STOM: variants seen among roughly 807,000 people sequenced by gnomAD.
STOM encodes the protein erythrocyte band 7 integral membrane protein.
In STOM, 25 loss-of-function variants were observed where a neutral mutation model predicts 30.6. The observed-to-expected ratio is 0.82, with a 90% CI of 0.60 to 1.14. The LOEUF (loss-of-function observed/expected upper bound fraction) is 1.14, where lower values mean the gene tolerates loss of function less well. Ranked by LOEUF, STOM falls within the 50% of genes most tolerant of loss-of-function variation. The pLI is 0.00. For missense variants in STOM, 292 were observed against 365.2 expected (o/e 0.80, Z 1.63); for synonymous variants, 118 against 130.8 (o/e 0.90, Z 0.67).
At chr9:121,362,920 G>A (rs921680776) in intron 1 of STOM, among the ~76,000 whole-genome samples, 2 of 152,180 alleles carry the variant, frequency 1.3e-5, no homozygotes, top group Admixed American at 1.3e-4. Context: ...TTAGTCCAGA[G>A]GGCTGTAGTT....
intron 1 of STOM, among the ~76,000 whole-genome samples, chr9:121,360,340 AT>A (rs1228991331): frequency 1.3e-5 from 2 of 151,698 alleles, no homozygotes; most frequent in African/African-American, 2.4e-5. Flanking sequence ...ATCTTTTATT[AT>A]TTTTTAATCT....
chr9:121,341,438 T>C, intron 6 of STOM, 30 bp from the exon 7 acceptor site: 1 of 1,611,794 alleles, frequency 6.2e-7, no homozygotes, highest in Non-Finnish European at 8.5e-7. Flanking sequence ...GGGGTTGAAC[T>C]GGAGAAAACC....
chr9:121,359,731 A>T (rs1489371893), intron 1 of STOM, among the ~76,000 whole-genome samples: 1 of 152,168 alleles, frequency 6.6e-6, no homozygotes, highest in Non-Finnish European at 1.5e-5. Flanking sequence ...CTGGGACTCA[A>T]ATATGGGTCA....
rs1232088800 is a variant in STOM, at chr9:121,349,023, C to A, written c.525+97G>T. 2.9e-6 allele frequency: 4 copies of A among 1,387,786 alleles called. No individual in the cohort carries two copies. The African/African-American group carries it at 5.8e-5, about 20-fold the overall frequency. 86.0% of individuals were successfully genotyped at this position (1,387,786 alleles called of 1,614,324 possible). ...GAAGAAAAAAAAACGGTCACAGACC[C>A]CCACAACTTGAATTAATAAAAGGTT... On this transcript the variant is annotated intron_variant, in intron 5 of 6. Coordinates refer to ENST00000286713, the MANE Select transcript of STOM (RefSeq NM_004099.6).
intron 2 of STOM, 138 bp from the exon 3 acceptor site, chr9:121,354,811 T>A: frequency 3.4e-6 from 2 of 583,656 alleles, no homozygotes; most frequent in Non-Finnish European, 5.8e-6. Context: ...TATCTATAAA[T>A]CACATGTCCA....
chr9:121,358,937 C>CTA (rs2064423654), intron 1 of STOM, among the ~76,000 whole-genome samples: 1 of 152,180 alleles, frequency 6.6e-6, no homozygotes, highest in South Asian at 2.1e-4. Context: ...ATTGCTTTCA[C>CTA]TATCATCCTG....
intron 3 of STOM, among the ~76,000 whole-genome samples, chr9:121,353,903 C>T (rs991570310): frequency 2.2e-4 from 34 of 152,180 alleles, no homozygotes; most frequent in African/African-American, 7.7e-4. Flanking sequence ...ACTCAGCCTA[C>T]GACTAGTTCA....
Position 121,348,003 on chromosome 9 carries a change from A to G in STOM, c.660+12T>C. ...AACTCAGTAAGAAAAACAAGTTTAA[A>G]AAAAAAGTTACCTTGGCGCGGGCCT... On this transcript the variant is annotated intron_variant, in intron 6 of 6. Transcript: ENST00000286713. The G allele has an allele frequency of 3.1e-6, 5 of 1,588,622 alleles. No homozygotes were observed. The highest frequency in any genetic ancestry group is 4.3e-6 in the Non-Finnish European group (5 of 1,170,424).
chr9:121,357,399 T>C lies in STOM; in HGVS notation c.62-1243A>G, dbSNP rs1371390495. Among the ~76,000 whole-genome samples the C allele has an allele frequency of 8.1e-5, 10 of 123,128 alleles. No individual in the cohort carries two copies. In the South Asian group the frequency reaches 3.0e-3, roughly 36 times the overall value. The allele number at this position is 123,128 out of a possible 152,430, so 80.8% of individuals were successfully genotyped here. A position where few individuals can be genotyped will look rare whatever the true frequency, so the allele number is the denominator to read the frequency against. ...TTGGTATATTCTTTGAAAATTTTCC[T>C]AGTGTACACACCATATTTTTAAATG... On this transcript the variant is annotated intron_variant, in intron 1 of 6. Coordinates refer to ENST00000286713, the MANE Select transcript of STOM (RefSeq NM_004099.6).
At chr9:121,370,048 C>A in intron 1 of STOM, 79 bp downstream of exon 1, 3 of 1,359,142 alleles carry the variant, frequency 2.2e-6, no homozygotes, top group Admixed American at 4.2e-5. Flanking sequence ...TGGCCAGGAG[C>A]CCGGCTGTCA....
At chr9:121,353,757 G>T (rs1215105187) in intron 3 of STOM, among the ~76,000 whole-genome samples, 1 of 151,874 alleles carries the variant, frequency 6.6e-6, no homozygotes, top group African/African-American at 2.4e-5. Flanking sequence ...TGATCTACTT[G>T]CAGTTTCTTG....
At chr9:121,357,437 A>ATATATATATATT (rs1318433915) in intron 1 of STOM, among the ~76,000 whole-genome samples, 1 of 91,022 alleles carries the variant, frequency 1.1e-5, no homozygotes, top group African/African-American at 4.6e-5. Flanking sequence ...ATATATATAT[A>ATATATATATATT]TATTTATTTA....
At chr9:121,347,579 A>C (rs988031159) in intron 6 of STOM, among the ~76,000 whole-genome samples, 1 of 152,234 alleles carries the variant, frequency 6.6e-6, no homozygotes, top group Non-Finnish European at 1.5e-5. Context: ...GATGGGTGGT[A>C]TGGATGGAAT....
Position 121,347,995 on chromosome 9 carries a change from A to C in STOM, c.660+20T>G, listed in dbSNP as rs752525478. Reference sequence around the variant, plus strand: ...AAAGAGAAAACTCAGTAAGAAAAACAAGTTTAAAAAAAAAGTTACCTTGGC... The same window carrying C: ...AAAGAGAAAACTCAGTAAGAAAAACCAGTTTAAAAAAAAAGTTACCTTGGC... On this transcript the variant is annotated intron_variant, in intron 6 of 6. Coordinates refer to ENST00000286713, the MANE Select transcript of STOM (RefSeq NM_004099.6). The C allele has an allele frequency of 1.1e-5, 18 of 1,584,874 alleles. No homozygotes were observed. In the Admixed American group the frequency reaches 2.5e-4, roughly 22 times the overall value.
Position 121,339,531 on chromosome 9 carries a change from G to C in STOM, c.*1671C>G. 1 of 1,229,050 alleles carries C rather than the reference G, an allele frequency of 8.1e-7. No individual in the cohort carries two copies. Among genetic ancestry groups the C allele is most frequent in the Non-Finnish European group, 1.0e-6 (1 of 986,372 alleles). 76.1% of individuals were successfully genotyped at this position (1,229,050 alleles called of 1,614,324 possible). The stretch of plus-strand genomic sequence containing the variant: ...GGTACAGGGGAAGGGACATCCATTG[G>C]CTGGATGGACAGAGTGGTTGAGCTA... On this transcript the variant is annotated 3_prime_UTR_variant, in exon 7 of 7. Transcript: ENST00000286713.
intron 4 of STOM, among the ~76,000 whole-genome samples, chr9:121,352,379 G>A (rs933917177): frequency 4.7e-4 from 72 of 151,894 alleles, no homozygotes; most frequent in African/African-American, 1.5e-3. Flanking sequence ...ACATTTTCCT[G>A]TACACTTTAA....
At chr9:121,368,903 G>A (rs1337790066) in intron 1 of STOM, among the ~76,000 whole-genome samples, 1 of 149,580 alleles carries the variant, frequency 6.7e-6, no homozygotes, top group South Asian at 2.1e-4. Context: ...TCACACTCCA[G>A]CCTGGGCAAG....
intron 6 of STOM, among the ~76,000 whole-genome samples, chr9:121,347,760 G>C (rs1169574708): frequency 6.6e-6 from 1 of 152,174 alleles, no homozygotes; most frequent in Non-Finnish European, 1.5e-5. Flanking sequence ...AACATGTGCA[G>C]TATAACCCTA....
At chr9:121,366,346 T>C (rs2064503448) in intron 1 of STOM, 2 of 739,766 alleles carry the variant, frequency 2.7e-6, no homozygotes, top group Non-Finnish European at 3.3e-6. Context: ...ATTTTAATTA[T>C]CAACAAGTGT....
Sources: gnomAD v4.1 joint callset for allele counts (sites outside exome capture counted in the v4.1 genomes callset) on GRCh38, gnomAD v4.1.1 for gene constraint, MANE v1.5 for transcripts, NCBI Gene and HGNC (gene_info 2026-07-23, HGNC 2026-07-21) for gene names.